Variants in PTPRO observed in about 807,000 individuals in gnomAD.
PTPRO encodes protein tyrosine phosphatase receptor type O.
Under a neutral mutation model 145.2 loss-of-function variants are expected in PTPRO, and 62 were observed. The ratio of observed to expected loss-of-function variants is 0.43; its 90% confidence interval spans 0.35 to 0.53. The LOEUF is 0.53. Ranked by LOEUF, PTPRO falls within the 20% of genes least tolerant of loss-of-function variation. The probability of loss-of-function intolerance (pLI) is 0.01; values close to 1 mark genes in which losing one functional copy is unlikely to be tolerated. For missense variants in PTPRO, 1,345 were observed against 1,482.7 expected (o/e 0.91, Z 1.53); for synonymous variants, 565 against 514.7 (o/e 1.10, Z -1.32).
chr12:15,474,157 A>C (rs1377936955), intron 1 of PTPRO, among the ~76,000 whole-genome samples: 2 of 152,176 alleles, frequency 1.3e-5, no homozygotes, highest in Admixed American at 6.5e-5. Flanking sequence ...ACAAATGAGC[A>C]CATAGCCTGG....
chr12:15,336,741 C>T (rs981827024), intron 1 of PTPRO, among the ~76,000 whole-genome samples: 21 of 152,218 alleles, frequency 1.4e-4, no homozygotes, highest in Non-Finnish European at 2.8e-4. Context: ...ACTATTCCTC[C>T]AGCAGCCCAG....
intron 1 of PTPRO, among the ~76,000 whole-genome samples, chr12:15,420,148 GAAA>G (rs35302259): frequency 2.7e-3 from 222 of 81,694 alleles, no homozygotes; most frequent in Middle Eastern, 0.02. Flanking sequence ...CTCCGACTCA[GAAA>G]AAAAAAAAAA....
At chr12:15,473,733 C>CTCCA (rs1941591848) in intron 1 of PTPRO, among the ~76,000 whole-genome samples, 1 of 136,936 alleles carries the variant, frequency 7.3e-6, no homozygotes, top group Admixed American at 8.1e-5. Flanking sequence ...TGCCACTGTG[C>CTCCA]TCCAGCCTGG....
chr12:15,433,523 T>C (rs1940511019), intron 1 of PTPRO, among the ~76,000 whole-genome samples: 1 of 152,182 alleles, frequency 6.6e-6, no homozygotes, highest in Non-Finnish European at 1.5e-5. Context: ...CCATCTTGAG[T>C]TGATTTTTGT....
intron 8 of PTPRO, among the ~76,000 whole-genome samples, chr12:15,516,106 T>C (rs966910424): frequency 3.4e-5 from 5 of 148,212 alleles, no homozygotes; most frequent in African/African-American, 4.9e-5. Flanking sequence ...TTCTCCTGCC[T>C]CAGCCTCCTG....
intron 7 of PTPRO, among the ~76,000 whole-genome samples, chr12:15,513,155 GAAAAAGA>G (rs1206981438): frequency 4.1e-5 from 1 of 24,374 alleles, no homozygotes; most frequent in Admixed American, 5.6e-4. Context: ...AAGAAAGAAA[GAAAAAGA>G]AAGAAAGAAA....
At chr12:15,566,217 T>C (rs1943894989) in intron 18 of PTPRO, among the ~76,000 whole-genome samples, 1 of 152,186 alleles carries the variant, frequency 6.6e-6, no homozygotes, top group Non-Finnish European at 1.5e-5. Flanking sequence ...CCTCCATGCC[T>C]TTTCTTAGTT....
intron 1 of PTPRO, among the ~76,000 whole-genome samples, chr12:15,384,299 A>C (rs1413611328): frequency 2.0e-5 from 3 of 152,130 alleles, no homozygotes; most frequent in African/African-American, 4.8e-5. Context: ...GATTATTATA[A>C]ATTTTTATGT....
chr12:15,403,127 T>A (rs1256690910), intron 1 of PTPRO, among the ~76,000 whole-genome samples: 1 of 152,236 alleles, frequency 6.6e-6, no homozygotes, highest in Non-Finnish European at 1.5e-5. Flanking sequence ...AACCCCTTAC[T>A]ATGATATATA....
intron 2 of PTPRO, among the ~76,000 whole-genome samples, chr12:15,492,295 G>C (rs149446162): frequency 6.6e-6 from 1 of 151,998 alleles, no homozygotes; most frequent in Admixed American, 6.6e-5. Flanking sequence ...TCAAAACAAC[G>C]ATAACAGTTC....
At chr12:15,564,417 A>G (rs966138907) in intron 17 of PTPRO, among the ~76,000 whole-genome samples, 3 of 152,192 alleles carry the variant, frequency 2.0e-5, no homozygotes, top group African/African-American at 7.2e-5. Flanking sequence ...TTTCAGTTCA[A>G]CTGAATAAGC....
chr12:15,394,960 T>A lies in PTPRO; in HGVS notation c.75+72159T>A, dbSNP rs532506636. Among the ~76,000 whole-genome samples, 13 of 152,144 alleles carry A rather than the reference T, an allele frequency of 8.5e-5. No homozygotes were observed. The South Asian group carries it at 2.7e-3, about 32-fold the overall frequency. ...GAACAGATGAGAACTCTAGTAACAC[T>A]ACTATTTAAAAAGGCGGCAAAGAAA... On this transcript the variant is annotated intron_variant, in intron 1 of 26. Coordinates refer to ENST00000281171, the MANE Select transcript of PTPRO (RefSeq NM_030667.3).
chr12:15,498,970 C>T (rs1457208267), intron 3 of PTPRO, among the ~76,000 whole-genome samples: 1 of 151,904 alleles, frequency 6.6e-6, no homozygotes, highest in East Asian at 1.9e-4. Context: ...TTTATTATTT[C>T]TTTTTTTGGG....
intron 7 of PTPRO, among the ~76,000 whole-genome samples, chr12:15,511,308 G>A (rs1591667980): frequency 6.6e-6 from 1 of 152,224 alleles, no homozygotes; most frequent in South Asian, 2.1e-4. Context: ...CACACCCAAG[G>A]AGGTCCAGGA....
intron 19 of PTPRO, among the ~76,000 whole-genome samples, chr12:15,576,907 T>C (rs1403333361): frequency 1.3e-5 from 2 of 152,192 alleles, no homozygotes; most frequent in Non-Finnish European, 2.9e-5. Flanking sequence ...GGTAGATTTC[T>C]GAAATAATTT....
intron 22 of PTPRO, among the ~76,000 whole-genome samples, chr12:15,581,298 C>CTTTTTT (rs147606138): frequency 1.6e-4 from 20 of 123,018 alleles, no homozygotes; most frequent in South Asian, 2.6e-4. Context: ...TGAGTGCTTT[C>CTTTTTT]TTTTTTTTTT....
intron 1 of PTPRO, among the ~76,000 whole-genome samples, chr12:15,483,327 T>A (rs1252615968): frequency 6.6e-6 from 1 of 152,100 alleles, no homozygotes; most frequent in Non-Finnish European, 1.5e-5. Flanking sequence ...TGGAGCAAAG[T>A]TTTTAAAAAG....
intron 4 of PTPRO, among the ~76,000 whole-genome samples, chr12:15,501,231 T>C (rs1942215012): frequency 6.6e-6 from 1 of 152,000 alleles, no homozygotes; most frequent in Non-Finnish European, 1.5e-5. Context: ...AAGTACACTA[T>C]ACTTGTTTTG....
rs1942835508 is a variant in PTPRO, at chr12:15,526,267, G to C, written c.2164+5G>C. On this transcript the variant is annotated splice_donor_5th_base_variant and intron_variant, in intron 12 of 26. Transcript: ENST00000281171. ...TGCTCCGCCTTGTCAAGCTAGGTAA[G>C]AAGAGTGCACAGAGATGGGTGTGAA... 1 of 1,613,832 alleles carries C rather than the reference G, an allele frequency of 6.2e-7. No homozygotes were observed. The highest frequency in any genetic ancestry group is 8.5e-7 in the Non-Finnish European group (1 of 1,179,850).
Sources: allele counts gnomAD v4.1 joint callset (sites outside exome capture counted in the v4.1 genomes callset), GRCh38; gene constraint gnomAD v4.1.1; transcripts MANE v1.5; gene names NCBI Gene and HGNC (gene_info 2026-07-23, HGNC 2026-07-21).